The following ANK2 variants were observed in gnomAD, a reference collection of about 807,000 sequenced individuals.
ANK2 encodes ankyrin-2.
ANK2 carries 83 observed loss-of-function variants against 360.5 expected under a neutral mutation model. The ratio of observed to expected loss-of-function variants is 0.23; its 90% CI spans 0.19 to 0.28. The LOEUF is 0.28. Among genes scored for constraint, ANK2 ranks in the 10% least tolerant of loss-of-function variants. The probability of loss-of-function intolerance (pLI) is 1.00; values close to 1 mark genes in which losing one functional copy is unlikely to be tolerated. For missense variants in ANK2, 4,201 were observed against 4,795.7 expected (o/e 0.88, Z 3.66); for synonymous variants, 1,740 against 1,759.5 (o/e 0.99, Z 0.28).
intron 2 of ANK2, among the ~76,000 whole-genome samples, chr4:112,981,898 A>G (rs1021491152): frequency 6.6e-6 from 1 of 152,170 alleles, no homozygotes; most frequent in African/African-American, 2.4e-5. Flanking sequence ...TAATTCAACA[A>G]TCATAAGATA....
At chr4:113,336,552 A>G (rs1563861333) in intron 30 of ANK2, 25 bp from the exon 31 acceptor site, 1 of 1,561,208 alleles carries the variant, frequency 6.4e-7, no homozygotes. Flanking sequence ...ACAAATATAT[A>G]TGTGTGTGTT....
chr4:113,206,822 G>A (rs1407479930), intron 4 of ANK2, among the ~76,000 whole-genome samples: 2 of 152,126 alleles, frequency 1.3e-5, no homozygotes, highest in African/African-American at 4.8e-5. Context: ...TCAGGAGTTC[G>A]AGACCAGCCT....
intron 1 of ANK2, among the ~76,000 whole-genome samples, chr4:113,076,377 T>C (rs111521746): frequency 6.6e-6 from 1 of 152,272 alleles, no homozygotes; most frequent in South Asian, 2.1e-4. Context: ...CAGTATTATC[T>C]AAACTAAAGC....
At chr4:113,050,984 A>G (rs756984856) in intron 1 of ANK2, among the ~76,000 whole-genome samples, 1 of 152,192 alleles carries the variant, frequency 6.6e-6, no homozygotes, top group Non-Finnish European at 1.5e-5. Flanking sequence ...TGATAGAAAT[A>G]AGCATGTGAT....
chr4:113,256,034 T>G, intron 11 of ANK2, 102 bp downstream of exon 11: 1 of 1,370,346 alleles, frequency 7.3e-7, no homozygotes, highest in Non-Finnish European at 1.0e-6. Context: ...GTTACAGATA[T>G]GTAGTTAATC....
intron 2 of ANK2, among the ~76,000 whole-genome samples, chr4:113,038,382 T>G (rs2062083761): frequency 6.6e-6 from 1 of 151,188 alleles, no homozygotes; most frequent in South Asian, 2.1e-4. Context: ...TTGATAACTG[T>G]TTTTTTTTAA....
chr4:112,869,076 T>C (rs1327235322), intron 1 of ANK2, among the ~76,000 whole-genome samples: 2 of 151,818 alleles, frequency 1.3e-5, no homozygotes, highest in Admixed American at 1.3e-4. Context: ...CCCTCCCGCT[T>C]AGTTCCCTGG....
intron 2 of ANK2, among the ~76,000 whole-genome samples, chr4:112,908,468 A>G (rs28691029): frequency 0.058 from 8,877 of 152,200 alleles, 609 homozygotes; most frequent in East Asian, 0.31. Flanking sequence ...GAGACTGGAG[A>G]GACATAGCAA....
At chr4:113,162,690 A>G (rs1583466655) in intron 1 of ANK2, among the ~76,000 whole-genome samples, 1 of 149,494 alleles carries the variant, frequency 6.7e-6, no homozygotes, top group South Asian at 2.1e-4. Context: ...CCCTGGGTCT[A>G]CTTTTCCCAC....
the ANK2 span, among the ~76,000 whole-genome samples, chr4:112,746,259 A>G: frequency 6.6e-6 from 1 of 152,200 alleles, no homozygotes; most frequent in Non-Finnish European, 1.5e-5. Context: ...ATATTTAAAG[A>G]GAACACTATA....
At chr4:113,166,500 A>G (rs914466368) in intron 1 of ANK2, among the ~76,000 whole-genome samples, 4 of 152,086 alleles carry the variant, frequency 2.6e-5, no homozygotes, top group Admixed American at 2.6e-4. Context: ...AAAAGCACAT[A>G]GAGAATGTGA....
At chr4:112,935,924 C>A (rs1291931281) in intron 2 of ANK2, among the ~76,000 whole-genome samples, 1 of 152,272 alleles carries the variant, frequency 6.6e-6, no homozygotes, top group South Asian at 2.1e-4. Context: ...AAGAACTTAA[C>A]CATCATTCAC....
At chr4:112,748,113 G>A in the ANK2 span, among the ~76,000 whole-genome samples, 34 of 152,266 alleles carry the variant, frequency 2.2e-4, no homozygotes, top group Non-Finnish European at 3.5e-4. Flanking sequence ...GGAAAATGTG[G>A]TGATTAATAT....
chr4:112,886,466 C>T (rs754112309), intron 1 of ANK2, among the ~76,000 whole-genome samples: 8 of 151,988 alleles, frequency 5.3e-5, no homozygotes, highest in Non-Finnish European at 1.2e-4. Context: ...AGTTCGAGAC[C>T]AGCCTGACCA....
chr4:112,801,259 A>G, the ANK2 span, among the ~76,000 whole-genome samples: 1 of 152,202 alleles, frequency 6.6e-6, no homozygotes. Flanking sequence ...TGCTGTAAAA[A>G]TCATGATATC....
chr4:112,929,706 G>T (rs2092969282), intron 2 of ANK2, among the ~76,000 whole-genome samples: 1 of 152,168 alleles, frequency 6.6e-6, no homozygotes, highest in Admixed American at 6.5e-5. Context: ...ATGAGTGATT[G>T]TTCTTGCATC....
chr4:113,050,448 A>T (rs2066449866), intron 1 of ANK2, among the ~76,000 whole-genome samples: 1 of 152,164 alleles, frequency 6.6e-6, no homozygotes, highest in Admixed American at 6.5e-5. Context: ...CACACAAAGC[A>T]GTCTGTAGGA....
upstream of ANK2, among the ~76,000 whole-genome samples, chr4:112,817,821 C>T (rs958700050): frequency 1.3e-5 from 2 of 152,054 alleles, no homozygotes; most frequent in Non-Finnish European, 2.9e-5. Flanking sequence ...CAGTTACTTC[C>T]CATATATCTG....
rs1035676529 is a variant in ANK2 at position 113,207,382 on chromosome 4, T to C, written c.384+8273T>C. Among the ~76,000 whole-genome samples, 4 of 152,182 alleles carry C rather than the reference T, an allele frequency of 2.6e-5. No individual in the cohort carries two copies. The East Asian group carries it at 7.7e-4, about 29-fold the overall frequency. ...ACAGGCCTATCCAAGTCCAATGTTA[T>C]TGCATTTTAAAGGAACTAAATTTGT... On this transcript the variant is annotated intron_variant, in intron 4 of 45. Transcript: ENST00000357077.
Sources: gnomAD v4.1 joint callset for allele counts (sites outside exome capture counted in the v4.1 genomes callset) on GRCh38, gnomAD v4.1.1 for gene constraint, MANE v1.5 for transcripts, NCBI Gene and HGNC (gene_info 2026-07-23, HGNC 2026-07-21) for gene names.